Variants in ANXA10 observed in about 807,000 individuals in gnomAD.
The protein encoded by ANXA10 is annexin A10, also known as annexin 14.
Under a neutral mutation model 53.5 loss-of-function variants are expected in ANXA10, and 49 were observed. The observed-to-expected ratio is 0.92, with a 90% CI of 0.73 to 1.16. The LOEUF is 1.16. Ranked by LOEUF, ANXA10 falls within the 50% of genes most tolerant of loss-of-function variation. The probability of loss-of-function intolerance (pLI) is 0.00; values close to 1 mark genes in which losing one functional copy is unlikely to be tolerated. For missense variants in ANXA10, 393 were observed against 394.4 expected (o/e 1.00, Z 0.03); for synonymous variants, 131 against 128.9 (o/e 1.02, Z -0.11).
chr4:168,152,663 A>G (rs1165811692), intron 3 of ANXA10, among the ~76,000 whole-genome samples: 1 of 151,676 alleles, frequency 6.6e-6, no homozygotes, highest in Non-Finnish European at 1.5e-5. Context: ...CAAGGACAGA[A>G]GGGAAACTCG....
intron 1 of ANXA10, among the ~76,000 whole-genome samples, chr4:168,125,385 C>T (rs1448364112): frequency 6.6e-6 from 1 of 152,150 alleles, no homozygotes; most frequent in African/African-American, 2.4e-5. Flanking sequence ...GAAACCCACA[C>T]TCCAGCAGGT....
chr4:168,157,961 A>G (rs544830674), intron 3 of ANXA10, among the ~76,000 whole-genome samples: 1 of 152,254 alleles, frequency 6.6e-6, no homozygotes, highest in Admixed American at 6.5e-5. Context: ...GTTAATAGGA[A>G]TGCATTTGAT....
intron 1 of ANXA10, among the ~76,000 whole-genome samples, chr4:168,117,570 C>T (rs1579206933): frequency 6.6e-6 from 1 of 152,064 alleles, no homozygotes; most frequent in African/African-American, 2.4e-5. Context: ...TGGATAGGTT[C>T]TTGGAATCTG....
At chr4:168,183,668 A>G (rs1732304920) in intron 10 of ANXA10, among the ~76,000 whole-genome samples, 1 of 152,214 alleles carries the variant, frequency 6.6e-6, no homozygotes, top group South Asian at 2.1e-4. Context: ...GTAATTTTTG[A>G]TACCTGAAGA....
chr4:168,143,740 T>C (rs1420347037), intron 3 of ANXA10, among the ~76,000 whole-genome samples: 1 of 152,228 alleles, frequency 6.6e-6, no homozygotes, highest in Non-Finnish European at 1.5e-5. Flanking sequence ...GTCTAAAATA[T>C]GCTGGTTTCT....
intron 3 of ANXA10, among the ~76,000 whole-genome samples, chr4:168,153,923 A>G (rs1731553473): frequency 6.6e-6 from 1 of 151,982 alleles, no homozygotes; most frequent in Non-Finnish European, 1.5e-5. Context: ...TATTTTCCTG[A>G]AATTATATTA....
At chr4:168,167,536 T>A (rs571278913) in intron 6 of ANXA10, among the ~76,000 whole-genome samples, 2 of 152,344 alleles carry the variant, frequency 1.3e-5, no homozygotes, top group South Asian at 4.1e-4. Flanking sequence ...AGCCTCTCTA[T>A]ATCCTTGTAC....
chr4:168,173,622 G>A (rs1004658654), intron 6 of ANXA10, among the ~76,000 whole-genome samples: 1 of 152,186 alleles, frequency 6.6e-6, no homozygotes, highest in Non-Finnish European at 1.5e-5. Context: ...GTTTCTGGAT[G>A]TATTTTAGAT....
intron 2 of ANXA10, among the ~76,000 whole-genome samples, chr4:168,132,712 C>A (rs1033797497): frequency 6.6e-6 from 1 of 151,784 alleles, no homozygotes; most frequent in Non-Finnish European, 1.5e-5. Flanking sequence ...ATATTGCATG[C>A]CTATATAAAA....
At chr4:168,110,984 G>A (rs975828641) in intron 1 of ANXA10, among the ~76,000 whole-genome samples, 2 of 152,090 alleles carry the variant, frequency 1.3e-5, no homozygotes, top group East Asian at 3.9e-4. Context: ...TAATATCACT[G>A]GTCTCTGCTA....
chr4:168,182,274 C>T (rs1732263480), intron 10 of ANXA10, among the ~76,000 whole-genome samples: 1 of 134,122 alleles, frequency 7.5e-6, no homozygotes, highest in Non-Finnish European at 1.6e-5. Context: ...GAATGTTTTT[C>T]ATACTTCAGT....
intron 4 of ANXA10, among the ~76,000 whole-genome samples, chr4:168,163,909 C>T (rs530555670): frequency 6.6e-6 from 1 of 152,240 alleles, no homozygotes; most frequent in Admixed American, 6.5e-5. Flanking sequence ...TGCTCAATGC[C>T]ATGAGCATTG....
At chr4:168,157,687 G>T (rs1405812861) in intron 3 of ANXA10, among the ~76,000 whole-genome samples, 1 of 152,042 alleles carries the variant, frequency 6.6e-6, no homozygotes, top group East Asian at 1.9e-4. Context: ...ATGAATTTTT[G>T]CTATTTCTAG....
chr4:168,109,634 G>A (rs1285343254), intron 1 of ANXA10, among the ~76,000 whole-genome samples: 2 of 152,120 alleles, frequency 1.3e-5, no homozygotes, highest in East Asian at 3.9e-4. Context: ...CTGTCATTGA[G>A]TGGTTTGGCA....
At chr4:168,116,295 G>T (rs1330504046) in intron 1 of ANXA10, among the ~76,000 whole-genome samples, 4 of 152,098 alleles carry the variant, frequency 2.6e-5, no homozygotes, top group Non-Finnish European at 4.4e-5. Context: ...CGGTCTATTG[G>T]CAAGCATGAG....
chr4:168,135,730 C>T (rs1041960732), intron 2 of ANXA10, among the ~76,000 whole-genome samples: 1 of 152,126 alleles, frequency 6.6e-6, no homozygotes, highest in Admixed American at 6.6e-5. Context: ...TTCACTCTAT[C>T]CCTCAGAAGC....
At chr4:168,113,458 A>T (rs1428159816) in intron 1 of ANXA10, 1 of 151,564 alleles carries the variant, frequency 6.6e-6, no homozygotes, top group Non-Finnish European at 1.5e-5. Flanking sequence ...CTTTCATCTC[A>T]CTTGGTCTGG....
chr4:168,160,077 G>A (rs1291099094), intron 3 of ANXA10, among the ~76,000 whole-genome samples: 1 of 152,102 alleles, frequency 6.6e-6, no homozygotes, highest in Non-Finnish European at 1.5e-5. Flanking sequence ...TTTAAGTTCA[G>A]GGATACGTGT....
chr4:168,177,419 T>C (rs1371584003), intron 6 of ANXA10, among the ~76,000 whole-genome samples: 1 of 152,168 alleles, frequency 6.6e-6, no homozygotes, highest in African/African-American at 2.4e-5. Context: ...CCCACTGCCA[T>C]GGTCAGGCAG....
Sources: gnomAD v4.1 joint callset for allele counts (sites outside exome capture counted in the v4.1 genomes callset) on GRCh38, gnomAD v4.1.1 for gene constraint, MANE v1.5 for transcripts, NCBI Gene and HGNC (gene_info 2026-07-23, HGNC 2026-07-21) for gene names.